Variants in DNAH17 observed in about 807,000 individuals in gnomAD.
The protein encoded by DNAH17 is axonemal beta dynein heavy chain 17.
A neutral mutation model predicts 485.6 loss-of-function variants in DNAH17; 376 were observed. That is an observed-to-expected ratio of 0.77 (90% CI 0.71 to 0.84). DNAH17 has a LOEUF of 0.84. Ranked by LOEUF, DNAH17 falls within the 40% of genes least tolerant of loss-of-function variation. DNAH17 has a pLI of 0.00. For synonymous variants in DNAH17, 3,031 were observed against 2,405.9 expected, an observed-to-expected ratio of 1.26 and a Z score of -7.60; for missense variants, 6,370 against 5,839.3, an observed-to-expected ratio of 1.09 and a Z score of -2.96.
chr17:78,522,045 G>GACAAGTTACAGACTAGGTA lies in DNAH17; in HGVS notation c.3864+2963_3864+2964insTACCTAGTCTGTAACTTGT, dbSNP rs570605257. On this transcript the variant is annotated intron_variant, in intron 25 of 80. Coordinates refer to ENST00000389840, the MANE Select transcript of DNAH17 (RefSeq NM_173628.4). ...AAATACCCTGTTAAGAGAATGAAAA[G>GACAAGTTACAGACTAGGTA]ACAAGTTACAGACTAGGAGAAATTA... Among the ~76,000 whole-genome samples, 19 of 152,320 alleles carry GACAAGTTACAGACTAGGTA rather than the reference G, an allele frequency of 1.2e-4. No homozygotes were observed. The East Asian group carries it at 3.3e-3, about 26-fold the overall frequency.
At chr17:78,475,622 A>T in intron 53 of DNAH17, 47 bp downstream of exon 53, 1 of 1,608,542 alleles carries the variant, frequency 6.2e-7, no homozygotes, top group Non-Finnish European at 8.5e-7. Context: ...GGAGAGGGTG[A>T]CCCGGTCCAG....
chr17:78,512,300 C>T (rs543160209), intron 26 of DNAH17, among the ~76,000 whole-genome samples: 218 of 152,274 alleles, frequency 1.4e-3, no homozygotes, highest in African/African-American at 4.8e-3. Flanking sequence ...CAAGACCTGT[C>T]CCAGCCTTTC....
rs549846049 is a variant in DNAH17, at chr17:78,500,413, G to A, written c.5532C>T (p.Ala1844=). Reference sequence around the variant, plus strand: ...TGCCGGTCCCAGCGGGGCCGGCAGGGGCTCCACCCATGATGAGATGGAGGG... The same window carrying A: ...TGCCGGTCCCAGCGGGGCCGGCAGGAGCTCCACCCATGATGAGATGGAGGG... The part of the protein sequence containing the change: ...TQSLHLIMGG[A]PAGPAGTGKT... The change falls in exon 36 of 81, where the codon GCC becomes GCT. Residue 1844 remains alanine, a synonymous_variant. Transcript: ENST00000389840. The A allele has an allele frequency of 1.2e-6, 2 of 1,609,618 alleles. No homozygotes were observed. The highest frequency in any genetic ancestry group is 2.2e-5 in the East Asian group (1 of 44,834).
At chr17:78,459,550 G>A (rs1419890147) in intron 60 of DNAH17, among the ~76,000 whole-genome samples, 3 of 152,228 alleles carry the variant, frequency 2.0e-5, no homozygotes, top group Non-Finnish European at 4.4e-5. Flanking sequence ...TGCTCTCACA[G>A]GTGCTGCTGA....
chr17:78,460,350 GTGTGCATGTA>G (rs1410677677), intron 58 of DNAH17, 93 bp from the exon 59 acceptor site: 2 of 994,322 alleles, frequency 2.0e-6, no homozygotes, highest in Non-Finnish European at 3.0e-6. Context: ...GTGTGCATGT[GTGTGCATGTA>G]TGCACGTGCA....
intron 58 of DNAH17, 52 bp from the exon 59 acceptor site, chr17:78,460,309 T>C: frequency 3.9e-6 from 6 of 1,519,542 alleles, no homozygotes; most frequent in Non-Finnish European, 5.3e-6. Flanking sequence ...CATGTGCCTG[T>C]GGGGGCGTGT....
At position 78,466,642 on chromosome 17, in the gene DNAH17, C is replaced by T. The variant is rs1290601549; in HGVS notation, c.8940+13G>A. The T allele has an allele frequency of 2.3e-5, 37 of 1,600,504 alleles. No homozygotes were observed. Among genetic ancestry groups the T allele is most frequent in the Non-Finnish European group, 3.1e-5 (36 of 1,173,720 alleles). On this transcript the variant is annotated intron_variant, in intron 56 of 80. Transcript: ENST00000389840. ...GGCTCTACACTCAGGCAGAGGTGGC[C>T]TCAGTGACTCACCGGAATCCCCTCA...
intron 54 of DNAH17, among the ~76,000 whole-genome samples, chr17:78,474,315 A>G (rs1056450773): frequency 2.0e-5 from 3 of 152,238 alleles, no homozygotes; most frequent in African/African-American, 7.2e-5. Context: ...GGACGGCCCA[A>G]TCGATTTCAG....
intron 49 of DNAH17, among the ~76,000 whole-genome samples, chr17:78,480,021 T>TC (rs2089279331): frequency 2.0e-5 from 1 of 48,832 alleles, no homozygotes; most frequent in South Asian, 8.2e-4. Context: ...TACTTTTTTT[T>TC]TTTTTTTTTT....
chr17:78,521,563 A>C (rs1568191420), intron 25 of DNAH17, among the ~76,000 whole-genome samples: 1 of 152,220 alleles, frequency 6.6e-6, no homozygotes, highest in East Asian at 1.9e-4. Flanking sequence ...CTCATAGACA[A>C]ACAGAAAGCA....
Position 78,537,453 on chromosome 17 carries a change from C to A in DNAH17, c.2705G>T (p.Arg902Leu), listed in dbSNP as rs763792409. Residue 902 changes from arginine to leucine, a missense_variant, in exon 19 of 81, where the codon CGC (arginine) becomes CTC (leucine). Arg to Leu is a moderately radical substitution (Grantham distance 102). Transcript: ENST00000389840. ...CAGCCCATCCTCGTCCAGCTCCATG[C>A]GGATCTCAAACAGGGGAGCGATACT... ...DESIAPLFEI[R>L]MELDEDGLTF... The A allele has an allele frequency of 4.3e-6, 7 of 1,613,312 alleles. No homozygotes were observed. The highest frequency in any genetic ancestry group is 4.2e-6 in the Non-Finnish European group (5 of 1,179,836).
chr17:78,528,587 C>T (rs188183012), intron 22 of DNAH17, among the ~76,000 whole-genome samples: 18 of 149,410 alleles, frequency 1.2e-4, no homozygotes, highest in Non-Finnish European at 2.1e-4. Flanking sequence ...GGGGAGAGGG[C>T]GGGAGGAGGG....
intron 16 of DNAH17, among the ~76,000 whole-genome samples, chr17:78,547,207 G>A (rs1252731390): frequency 6.6e-6 from 1 of 152,156 alleles, no homozygotes; most frequent in Non-Finnish European, 1.5e-5. Context: ...TCTAGAATGT[G>A]GTTGACCTCT....
chr17:78,510,748 G>A lies in DNAH17; in HGVS notation c.4114-242C>T, dbSNP rs896708524. 7.5e-5 allele frequency: 24 copies of A among 317,956 alleles called. No individual in the cohort carries two copies. The Admixed American group carries it at 1.1e-3, about 15-fold the overall frequency. 19.7% of individuals were successfully genotyped at this position (317,956 alleles called of 1,614,324 possible). A position where few individuals can be genotyped will look rare whatever the true frequency, so the allele number is the denominator to read the frequency against. On this transcript the variant is annotated intron_variant, in intron 26 of 80. Transcript: ENST00000389840. ...GAACGCACCTGCACTGGGCGGAATT[G>A]CGGCCCCCCCGCAAAATTCACATCC... is the stretch of plus-strand genomic sequence containing the variant.
rs188452647 is a variant in DNAH17, at chr17:78,501,020, G to A, written c.5483+164C>T. 360 of 783,466 alleles carry A rather than the reference G, an allele frequency of 4.6e-4. No individual in the cohort carries two copies. The African/African-American group carries it at 5.5e-3, about 12-fold the overall frequency. The allele number at this position is 783,466 out of a possible 1,614,324, so 48.5% of individuals were successfully genotyped here. A position where few individuals can be genotyped will look rare whatever the true frequency, so the allele number is the denominator to read the frequency against. ...TCCCAAGGCCACACAGCCGGTGCTA[G>A]AACAAGGACACAGTGGTAGAACTGA... is the stretch of plus-strand genomic sequence containing the variant. On this transcript the variant is annotated intron_variant, in intron 35 of 80. Coordinates refer to ENST00000389840, the MANE Select transcript of DNAH17 (RefSeq NM_173628.4).
In DNAH17 at chr17:78,572,907, A is replaced by G. The variant is rs376131892; in HGVS notation, c.346-13T>C. The G allele has an allele frequency of 2.2e-4, 348 of 1,610,780 alleles. No individual in the cohort carries two copies. The highest frequency in any genetic ancestry group is 2.8e-4 in the Non-Finnish European group (331 of 1,178,526). On this transcript the variant is annotated splice_polypyrimidine_tract_variant and intron_variant, in intron 2 of 80. Transcript: ENST00000389840. ...GAGAAGAGAGGACCTAAAAGGAAAC[A>G]CTTCTGTGGTTCCGCCCCCTGTGCC...
chr17:78,561,095 A>C (rs750658472), intron 12 of DNAH17, among the ~76,000 whole-genome samples, 160 bp from the exon 13 acceptor site: 18 of 152,074 alleles, frequency 1.2e-4, no homozygotes, highest in Non-Finnish European at 2.1e-4. Context: ...TGGCCAGACC[A>C]AATGTTCAAA....
intron 76 of DNAH17, 143 bp from the exon 77 acceptor site, chr17:78,428,850 G>T: frequency 9.3e-7 from 1 of 1,075,914 alleles, no homozygotes; most frequent in Non-Finnish European, 1.4e-6. Context: ...CCCCCTTTGT[G>T]GGCTGCCCCC....
At chr17:78,491,267 G>A (rs934044896) in intron 43 of DNAH17, among the ~76,000 whole-genome samples, 176 bp downstream of exon 43, 4 of 152,232 alleles carry the variant, frequency 2.6e-5, no homozygotes, top group East Asian at 1.9e-4. Context: ...CACAACGCAT[G>A]TGACAAAGTC....
Sources: gnomAD v4.1 joint callset for allele counts (sites outside exome capture counted in the v4.1 genomes callset) on GRCh38, gnomAD v4.1.1 for gene constraint, MANE v1.5 for transcripts, NCBI Gene and HGNC (gene_info 2026-07-23, HGNC 2026-07-21) for gene names.